Variants in CHAT observed in about 807,000 individuals in gnomAD.
CHAT encodes the protein acetyl CoA:choline O-acetyltransferase.
In CHAT, 61 loss-of-function variants were observed where a neutral mutation model predicts 76.9. The observed-to-expected ratio is 0.79, with a 90% CI of 0.65 to 0.98. The LOEUF (loss-of-function observed/expected upper bound fraction) is 0.98, where lower values mean the gene tolerates loss of function less well. Ranked by LOEUF, CHAT falls within the 50% of genes least tolerant of loss-of-function variation. The pLI, the probability that CHAT is intolerant of heterozygous loss-of-function variation, is 0.00. For missense variants in CHAT, 946 were observed against 986.9 expected (o/e 0.96, Z 0.56); for synonymous variants, 407 against 397.4 (o/e 1.02, Z -0.29).
upstream of CHAT, among the ~76,000 whole-genome samples, chr10:49,612,920 C>A (rs1198666686): frequency 1.3e-5 from 2 of 152,204 alleles, no homozygotes; most frequent in African/African-American, 4.8e-5. Flanking sequence ...CACCAAGGAG[C>A]ACCATGCTCC....
chr10:49,643,901 C>A (rs2132789902), intron 7 of CHAT, among the ~76,000 whole-genome samples: 1 of 152,276 alleles, frequency 6.6e-6, no homozygotes, highest in South Asian at 2.1e-4. Flanking sequence ...GGGGAGGGGA[C>A]CAGACCAGGG....
At chr10:49,649,774 C>T in intron 10 of CHAT, 138 bp downstream of exon 10, 1 of 849,506 alleles carries the variant, frequency 1.2e-6, no homozygotes, top group Non-Finnish European at 2.0e-6. Flanking sequence ...CGTCCCCATC[C>T]CTCATGTAGT....
At chr10:49,614,502 G>A in intron 1 of CHAT, 27 bp downstream of exon 1, 9 of 1,536,976 alleles carry the variant, frequency 5.9e-6, no homozygotes, top group Non-Finnish European at 7.9e-6. Context: ...GGCTGGGCTG[G>A]CGGAGCGCGG....
intron 1 of CHAT, chr10:49,615,647 G>A: frequency 4.4e-6 from 1 of 226,806 alleles, no homozygotes; most frequent in Non-Finnish European, 8.6e-6. Flanking sequence ...TGCCTGTGGA[G>A]GCTTAGGTTC....
At chr10:49,645,714 G>A (rs1056465464) in intron 7 of CHAT, among the ~76,000 whole-genome samples, 18 of 152,140 alleles carry the variant, frequency 1.2e-4, no homozygotes, top group Admixed American at 2.6e-4. Flanking sequence ...CTGAAGAGCC[G>A]TCCTTGTCTG....
chr10:49,627,413 T>C (rs1271721141), intron 6 of CHAT, among the ~76,000 whole-genome samples, 195 bp from the exon 7 acceptor site: 5 of 152,188 alleles, frequency 3.3e-5, no homozygotes, highest in African/African-American at 1.2e-4. Flanking sequence ...GTTGCCTTCT[T>C]TGATTGGGGG....
chr10:49,637,751 CCATT>C (rs1340615439), intron 7 of CHAT: 1 of 152,144 alleles, frequency 6.6e-6, no homozygotes, highest in African/African-American at 2.4e-5. Context: ...CCTCTTTGAC[CCATT>C]CATTGTTTAG....
At position 49,667,486 on chromosome 10, in the gene CHAT, G is replaced by T. The variant is rs542034078; in HGVS notation, c.*2440G>T. Among the ~76,000 whole-genome samples, 30 of 152,362 alleles carry T rather than the reference G, an allele frequency of 2.0e-4. No individual in the cohort carries two copies. The highest frequency in any genetic ancestry group is 6.7e-4 in the African/African-American group (28 of 41,592). On this transcript the variant is annotated 3_prime_UTR_variant, in exon 15 of 15. Coordinates refer to ENST00000337653, the MANE Select transcript of CHAT (RefSeq NM_020549.5). The stretch of plus-strand genomic sequence containing the variant: ...AGCGCAAACAGTAAACGCTTGGCAG[G>T]AGGGAACACTTCCTCTCTCTGAGGA...
At chr10:49,646,978 GC>G (rs1839692702) in intron 8 of CHAT, 2 of 473,922 alleles carry the variant, frequency 4.2e-6, no homozygotes, top group Admixed American at 6.8e-5. Context: ...CAGACCTGGG[GC>G]CCATTTCCCA....
chr10:49,616,654 C>T (rs1174461560), intron 2 of CHAT, 52 bp downstream of exon 2: 2 of 1,283,714 alleles, frequency 1.6e-6, no homozygotes, highest in Non-Finnish European at 2.2e-6. Context: ...ACCTACATGC[C>T]CTTGCTTCTA....
At chr10:49,633,324 T>C (rs1292419111) in intron 7 of CHAT, among the ~76,000 whole-genome samples, 1 of 152,232 alleles carries the variant, frequency 6.6e-6, no homozygotes, top group Non-Finnish European at 1.5e-5. Context: ...ACTCGGATAT[T>C]AGCAGAGCAT....
rs116071049 is a variant in CHAT at position 49,646,641 on chromosome 10, C to T, written c.1248C>T (p.Asn416=). 2.7e-3 allele frequency: 4,331 copies of T among 1,614,068 alleles called. 11 individuals are homozygous for T. Among genetic ancestry groups the T allele is most frequent in the Non-Finnish European group, 3.2e-3 (3,788 of 1,180,042 alleles). ...TTCACGGCGGAGGCTACAGCAAGAA[C>T]GGGGCCAATCGCTGGTACGACAAGT... ...QLLHGGGYSK[N]GANRWYDKSL... is the part of the protein sequence containing the mutation. The change falls in exon 8 of 15, where the codon AAC becomes AAT. Residue 416 remains asparagine, a synonymous_variant. Coordinates refer to ENST00000337653, the MANE Select transcript of CHAT (RefSeq NM_020549.5).
intron 13 of CHAT, among the ~76,000 whole-genome samples, chr10:49,658,959 G>A (rs1426544056): frequency 6.6e-6 from 1 of 152,118 alleles, no homozygotes; most frequent in Non-Finnish European, 1.5e-5. Context: ...ATAAAGAGAT[G>A]AAATATAAGA....
intron 13 of CHAT, among the ~76,000 whole-genome samples, chr10:49,660,093 A>G (rs929309672): frequency 3.3e-5 from 5 of 152,246 alleles, no homozygotes; most frequent in African/African-American, 1.2e-4. Context: ...TTAAAACATA[A>G]TCTTATTGGG....
chr10:49,655,859 C>A (rs1840018676), intron 13 of CHAT, among the ~76,000 whole-genome samples: 1 of 152,160 alleles, frequency 6.6e-6, no homozygotes, highest in South Asian at 2.1e-4. Flanking sequence ...GCTGCTTTTG[C>A]CTCTCATTCT....
At chr10:49,637,337 C>T (rs1254432057) in intron 7 of CHAT, 1 of 152,128 alleles carries the variant, frequency 6.6e-6, no homozygotes, top group African/African-American at 2.4e-5. Flanking sequence ...TCATTCATTT[C>T]AGTGTATTTT....
chr10:49,651,970 C>T lies in CHAT; in HGVS notation c.1598C>T (p.Ala533Val), dbSNP rs1816885096. The T allele has an allele frequency of 1.2e-6, 2 of 1,614,188 alleles. No individual in the cohort carries two copies. Among genetic ancestry groups the T allele is most frequent in the Admixed American group, 3.3e-5 (2 of 60,022 alleles). Residue 533 changes from alanine (A) to valine (V), a missense_variant, in exon 11 of 15, where the codon GCC becomes GTC. Physicochemically the swap from Ala to Val is moderately conservative, Grantham distance 64. Around this residue, in one of 3 missense-constraint regions of CHAT, gnomAD observed 349 missense variants for 393.9 expected, o/e 0.89. Transcript: ENST00000337653. ...AAGAAGCAGAAATGCAGCCCTGATG[C>T]CTTCATCCAGGTGGCCCTCCAGCTG... ...FIKKQKCSPD[A>V]FIQVALQLAF...
At chr10:49,620,678 G>T in intron 4 of CHAT, 65 bp downstream of exon 4, 2 of 1,315,880 alleles carry the variant, frequency 1.5e-6, no homozygotes, top group African/African-American at 1.4e-5. Flanking sequence ...CCTTACCCCA[G>T]TGCCAGCAAA....
At chr10:49,651,608 A>G (rs1839880829) in intron 10 of CHAT, 2 of 452,662 alleles carry the variant, frequency 4.4e-6, no homozygotes, top group African/African-American at 4.0e-5. Flanking sequence ...TAACACAGCC[A>G]GGCCCACCTC....
Sources: allele counts gnomAD v4.1 joint callset (sites outside exome capture counted in the v4.1 genomes callset), GRCh38; gene constraint gnomAD v4.1.1; regional missense constraint gnomAD v4.1.1; transcripts MANE v1.5; gene names NCBI Gene and HGNC (gene_info 2026-07-23, HGNC 2026-07-21).